The following GABRA3 variants were observed in gnomAD, a reference collection of about 807,000 sequenced individuals.
GABRA3 encodes the protein gamma-aminobutyric acid type A receptor subunit alpha3, also known as gamma-aminobutyric acid receptor subunit alpha-3.
Under a neutral mutation model 30.1 loss-of-function variants are expected in GABRA3, and 10 were observed. That is an observed-to-expected ratio of 0.33 (90% confidence interval 0.20 to 0.56). The LOEUF is 0.56. Ranked by LOEUF, GABRA3 falls within the 20% of genes least tolerant of loss-of-function variation. The pLI is 0.89. For missense variants in GABRA3, 233 were observed against 392.0 expected (o/e 0.59, Z 3.42); for synonymous variants, 151 against 146.8 (o/e 1.03, Z -0.21).
intron 3 of GABRA3, among the ~76,000 whole-genome samples, chrX:152,342,883 A>G (rs1469071508): frequency 9.0e-6 from 1 of 111,412 alleles, no homozygotes; most frequent in Non-Finnish European, 1.9e-5. Context: ...GTTTCCACCA[A>G]GTAGAGTGAT....
chrX:152,371,824 T>C (rs1203060998), intron 1 of GABRA3, among the ~76,000 whole-genome samples: 1 of 111,445 alleles, frequency 9.0e-6, no homozygotes, highest in African/African-American at 3.3e-5. Flanking sequence ...CCATTCTAAG[T>C]TCTAGGAATA....
At chrX:152,365,721 G>A (rs767846914) in intron 1 of GABRA3, among the ~76,000 whole-genome samples, 1 of 111,224 alleles carries the variant, frequency 9.0e-6, no homozygotes, top group African/African-American at 3.3e-5. Flanking sequence ...ACATTAAGGA[G>A]CTATTCTGGT....
At chrX:152,404,167 G>A (rs974732584) in intron 1 of GABRA3, among the ~76,000 whole-genome samples, 1 of 111,025 alleles carries the variant, frequency 9.0e-6, no homozygotes, top group African/African-American at 3.3e-5. Context: ...GATAACAGAG[G>A]ACTTTGGGTT....
intron 3 of GABRA3, among the ~76,000 whole-genome samples, chrX:152,339,950 T>C (rs1940290848): frequency 8.9e-6 from 1 of 111,934 alleles, no homozygotes; most frequent in Non-Finnish European, 1.9e-5. Context: ...CAGGGAGAAA[T>C]TTGCTCTTTT....
intron 3 of GABRA3, among the ~76,000 whole-genome samples, chrX:152,316,452 A>T (rs181995695): frequency 8.9e-6 from 1 of 112,021 alleles, no homozygotes; most frequent in East Asian, 2.8e-4. Flanking sequence ...ATAATCAAGG[A>T]AAACTTCCCC....
At chrX:152,428,421 T>C (rs2124543248) in intron 1 of GABRA3, among the ~76,000 whole-genome samples, 1 of 112,397 alleles carries the variant, frequency 8.9e-6, no homozygotes, top group South Asian at 3.7e-4. Context: ...TTGTAGTTTG[T>C]CCCCAGGGTA....
At chrX:152,344,941 T>C (rs1349641025) in intron 3 of GABRA3, among the ~76,000 whole-genome samples, 1 of 112,061 alleles carries the variant, frequency 8.9e-6, no homozygotes, top group African/African-American at 3.2e-5. Context: ...GATTACATTT[T>C]GTGAATTTAT....
intron 9 of GABRA3, among the ~76,000 whole-genome samples, chrX:152,174,859 C>A (rs1166887717): frequency 1.8e-5 from 2 of 111,845 alleles, no homozygotes; most frequent in Non-Finnish European, 3.8e-5. Context: ...GACATGAAGT[C>A]CTTGCCCATG....
At position 152,262,643 on chromosome X, in the gene GABRA3, G is replaced by C. The variant is rs759682283; in HGVS notation, c.331-6645C>G. On this transcript the variant is annotated intron_variant, in intron 4 of 9. Coordinates refer to ENST00000370314, the MANE Select transcript of GABRA3 (RefSeq NM_000808.4). ...TATTGCTATCAGCATTTTGGTCAAA[G>C]CCATTCAATGAGTCTCTAGGAAGCT... Among the ~76,000 whole-genome samples the C allele has an allele frequency of 2.7e-5, 3 of 112,088 alleles. No homozygotes were observed. The Admixed American group carries it at 2.8e-4, about 11-fold the overall frequency.
intron 6 of GABRA3, among the ~76,000 whole-genome samples, chrX:152,213,582 C>T (rs745850617): frequency 9.0e-6 from 1 of 111,471 alleles, no homozygotes; most frequent in East Asian, 2.8e-4. Flanking sequence ...AACAAAACAA[C>T]TAAACCTCCG....
rs201147672 is a variant in GABRA3, at chrX:152,272,905, CTTTGA to C, written c.330+11758_330+11762del. Among the ~76,000 whole-genome samples the C allele has an allele frequency of 7.8e-3, 863 of 111,258 alleles. 12 individuals are homozygous for C. The highest frequency in any genetic ancestry group is 0.027 in the African/African-American group (821 of 30,588). ...GGGGATGTGCTTGCTTTCCCTTCTG[CTTTGA>C]TTTAAGTTTCCTGAGGCTTCCCCAG... On this transcript the variant is annotated intron_variant, in intron 4 of 9. Transcript: ENST00000370314.
At chrX:152,326,714 T>G (rs901115366) in intron 3 of GABRA3, among the ~76,000 whole-genome samples, 8 of 111,100 alleles carry the variant, frequency 7.2e-5, no homozygotes, top group African/African-American at 2.3e-4. Context: ...GCACTAAACA[T>G]GGAAAGGAAC....
intron 9 of GABRA3, among the ~76,000 whole-genome samples, chrX:152,182,231 C>T (rs1423333120): frequency 9.4e-6 from 1 of 106,439 alleles, no homozygotes; most frequent in Non-Finnish European, 1.9e-5. Flanking sequence ...TGGGATAAAT[C>T]CCACTTGGTC....
intron 1 of GABRA3, chrX:152,392,174 G>T (rs1929503271): frequency 1.1e-5 from 4 of 378,810 alleles, no homozygotes; most frequent in Non-Finnish European, 2.1e-5. Context: ...CAGAGCACAG[G>T]AACAAATGGC....
intron 9 of GABRA3, among the ~76,000 whole-genome samples, chrX:152,170,144 C>A (rs1182159552): frequency 8.9e-6 from 1 of 112,026 alleles, no homozygotes; most frequent in Non-Finnish European, 1.9e-5. Context: ...TGCCATTGAA[C>A]GTGATCAGAC....
At chrX:152,418,930 G>T (rs991387701) in intron 1 of GABRA3, among the ~76,000 whole-genome samples, 1 of 111,560 alleles carries the variant, frequency 9.0e-6, no homozygotes, top group Non-Finnish European at 1.9e-5. Flanking sequence ...AGAAAATGTG[G>T]CACATATACA....
At chrX:152,434,633 C>CA (rs748358390) in intron 1 of GABRA3, among the ~76,000 whole-genome samples, 11 of 109,946 alleles carry the variant, frequency 1.0e-4, no homozygotes, top group South Asian at 3.8e-4. Flanking sequence ...AATGCAGACA[C>CA]AAAAAAAACT....
chrX:152,265,578 A>G (rs181342237), intron 4 of GABRA3, among the ~76,000 whole-genome samples: 202 of 111,847 alleles, frequency 1.8e-3, no homozygotes, highest in African/African-American at 6.0e-3. Flanking sequence ...CTAACAATGC[A>G]TCTTAAAGAA....
At chrX:152,346,892 G>A (rs1445189612) in intron 2 of GABRA3, among the ~76,000 whole-genome samples, 1 of 111,665 alleles carries the variant, frequency 9.0e-6, no homozygotes, top group Non-Finnish European at 1.9e-5. Context: ...ACTGTTGGTG[G>A]GAATGTAAAT....
Sources: gnomAD v4.1 joint callset for allele counts (sites outside exome capture counted in the v4.1 genomes callset) on GRCh38, gnomAD v4.1.1 for gene constraint, MANE v1.5 for transcripts, NCBI Gene and HGNC (gene_info 2026-07-23, HGNC 2026-07-21) for gene names.